IQSEC1: variants seen among roughly 807,000 people sequenced by gnomAD.
IQSEC1 encodes the protein IQ motif and SEC7 domain-containing protein 1.
IQSEC1 carries 31 observed loss-of-function variants against 91.0 expected under a neutral mutation model. The ratio of observed to expected loss-of-function variants is 0.34; its 90% confidence interval spans 0.26 to 0.46. The LOEUF (loss-of-function observed/expected upper bound fraction) is 0.46, where lower values mean the gene tolerates loss of function less well. IQSEC1 is among the 20% of genes least tolerant of loss of function. IQSEC1 has a pLI of 1.00. For synonymous variants in IQSEC1, 699 were observed against 662.6 expected (o/e 1.05, Z -0.84); for missense variants, 1,388 against 1,575.6 (o/e 0.88, Z 2.02).
intron 1 of IQSEC1, among the ~76,000 whole-genome samples, chr3:13,242,042 C>T (rs138733461): frequency 1.1e-3 from 172 of 152,258 alleles, no homozygotes; most frequent in African/African-American, 4.0e-3. Context: ...TGTATGTGTG[C>T]ATATATATTT....
chr3:13,122,839 G>C lies in IQSEC1; in HGVS notation c.302+41265C>G, dbSNP rs115534057. Among the ~76,000 whole-genome samples, 395 of 151,968 alleles carry C rather than the reference G, an allele frequency of 2.6e-3. 5 individuals carry two copies. Among genetic ancestry groups the C allele is most frequent in the African/African-American group, 8.9e-3 (369 of 41,302 alleles). ...CACACCCAGGATTCCAGACCCTCGA[G>C]GGGGAGGCAGCGTCCCTGTACCCTG... is the stretch of plus-strand genomic sequence containing the variant. On this transcript the variant is annotated intron_variant, in intron 2 of 15. Coordinates refer to the IQSEC1 transcript ENST00000648114.
rs1040959607 is a variant in IQSEC1 at position 13,209,538 on chromosome 3, C to T, written c.273-45405G>A. On this transcript the variant is annotated intron_variant, in intron 1 of 15. Transcript: ENST00000648114. The stretch of plus-strand genomic sequence containing the variant: ...AGCTTGGGCAATTCAAGGGAAGCAT[C>T]GGCTCTCACAGCCCAGCACCCCCAT... Among the ~76,000 whole-genome samples, 8 of 152,344 alleles carry T rather than the reference C, an allele frequency of 5.3e-5. No homozygotes were observed. In the East Asian group the frequency reaches 5.8e-4, roughly 11 times the overall value.
At chr3:13,224,753 G>A (rs1352993787) in intron 1 of IQSEC1, among the ~76,000 whole-genome samples, 1 of 152,076 alleles carries the variant, frequency 6.6e-6, no homozygotes, top group Non-Finnish European at 1.5e-5. Flanking sequence ...CATCTCCATT[G>A]TCAATCCCCC....
intron 1 of IQSEC1, among the ~76,000 whole-genome samples, chr3:13,185,441 TG>T (rs1693914270): frequency 2.0e-5 from 3 of 152,218 alleles, no homozygotes; most frequent in Admixed American, 6.5e-5. Context: ...CTTGCTCCCT[TG>T]GACGTCAGCT....
chr3:13,257,939 G>A (rs1214680872), intron 1 of IQSEC1, among the ~76,000 whole-genome samples: 1 of 152,228 alleles, frequency 6.6e-6, no homozygotes, highest in Non-Finnish European at 1.5e-5. Flanking sequence ...CTCAGCAGGT[G>A]AATGGATAAA....
chr3:13,012,315 C>A (rs887047066), intron 1 of IQSEC1, among the ~76,000 whole-genome samples: 2 of 152,192 alleles, frequency 1.3e-5, no homozygotes, highest in African/African-American at 4.8e-5. Context: ...TGCCAGGCTA[C>A]CTCCTCCATT....
In IQSEC1 at chr3:13,088,268, G is replaced by A. The variant is rs373612549; in HGVS notation, c.303-40746C>T. On this transcript the variant is annotated intron_variant, in intron 2 of 15. Transcript: ENST00000648114. ...ACAGATGAAAGTGGAGGGGGAAGAGGAACTGCTGGCCATTCGTGCATGTGC... is the reference window on the plus strand; with the variant it reads ...ACAGATGAAAGTGGAGGGGGAAGAGAAACTGCTGGCCATTCGTGCATGTGC... Among the ~76,000 whole-genome samples, 3 of 152,322 alleles carry A rather than the reference G, an allele frequency of 2.0e-5. No homozygotes were observed. The East Asian group carries it at 5.8e-4, about 29-fold the overall frequency.
rs189230936 is a variant in IQSEC1, at chr3:13,101,354, G to A, written c.303-53832C>T. ...AAATTAGCCGGGCGTGGTGGCGGGC[G>A]TCTCCAATGAGCCGAGATTGAGCCA... On this transcript the variant is annotated intron_variant, in intron 2 of 15. Transcript: ENST00000648114. Among the ~76,000 whole-genome samples the A allele has an allele frequency of 1.4e-4, 21 of 150,138 alleles. No homozygotes were observed. In the East Asian group the frequency reaches 3.7e-3, roughly 27 times the overall value.
chr3:13,219,478 T>C (rs1036121857), intron 1 of IQSEC1, among the ~76,000 whole-genome samples: 2 of 152,256 alleles, frequency 1.3e-5, no homozygotes, highest in African/African-American at 4.8e-5. Context: ...CCATCAAGGA[T>C]GTGCCCCCAC....
intron 1 of IQSEC1, among the ~76,000 whole-genome samples, chr3:13,223,308 C>T (rs1342976579): frequency 6.6e-6 from 1 of 151,928 alleles, no homozygotes; most frequent in Non-Finnish European, 1.5e-5. Context: ...ATCCAAAAGG[C>T]CCAAACCCTC....
intron 2 of IQSEC1, among the ~76,000 whole-genome samples, chr3:13,093,677 C>T (rs1705906268): frequency 6.6e-6 from 1 of 152,196 alleles, no homozygotes; most frequent in East Asian, 1.9e-4. Flanking sequence ...AAGACGCATG[C>T]AGCTACAGCC....
chr3:13,223,781 A>G (rs1481820272), intron 1 of IQSEC1, among the ~76,000 whole-genome samples: 1 of 152,168 alleles, frequency 6.6e-6, no homozygotes, highest in African/African-American at 2.4e-5. Flanking sequence ...CAGACTTTAC[A>G]CCTGGCCCAT....
chr3:12,942,638 A>G (rs1698863508), intron 1 of IQSEC1, among the ~76,000 whole-genome samples: 1 of 152,142 alleles, frequency 6.6e-6, no homozygotes, highest in Admixed American at 6.5e-5. Context: ...AATTAACAAA[A>G]GCGATTCTGT....
intron 1 of IQSEC1, among the ~76,000 whole-genome samples, chr3:13,166,236 C>T (rs751863770): frequency 5.9e-5 from 9 of 152,250 alleles, no homozygotes; most frequent in Non-Finnish European, 1.0e-4. Flanking sequence ...TCCTGCTCTG[C>T]GCCTCTATCC....
chr3:13,054,458 CGT>C (rs1371071865), intron 1 of IQSEC1, among the ~76,000 whole-genome samples: 2 of 152,224 alleles, frequency 1.3e-5, no homozygotes, highest in Non-Finnish European at 2.9e-5. Flanking sequence ...CTGCAGTTTA[CGT>C]GTCAGCCATT....
intron 1 of IQSEC1, among the ~76,000 whole-genome samples, chr3:12,948,475 A>C (rs1699324278): frequency 6.6e-6 from 1 of 152,182 alleles, no homozygotes; most frequent in Admixed American, 6.5e-5. Flanking sequence ...TGGGTGAGAA[A>C]GGCAGACAGT....
At chr3:13,127,349 G>A (rs922460600) in intron 2 of IQSEC1, among the ~76,000 whole-genome samples, 5 of 152,080 alleles carry the variant, frequency 3.3e-5, no homozygotes, top group African/African-American at 1.2e-4. Flanking sequence ...TGGGGGCAGA[G>A]GTTGCAGTGA....
At position 13,036,303 on chromosome 3, in the gene IQSEC1, C is replaced by G. The variant is rs566999495; in HGVS notation, c.23+36689G>C. On this transcript the variant is annotated intron_variant, in intron 1 of 13. Coordinates refer to ENST00000613206, the MANE Select transcript of IQSEC1 (RefSeq NM_001134382.3). Reference sequence around the variant, plus strand: ...CTGTGACTTTAGGCTGGTCATTTAACCTCTCTGCCTTCAGTTTTTCCTTGT... The same window carrying G: ...CTGTGACTTTAGGCTGGTCATTTAAGCTCTCTGCCTTCAGTTTTTCCTTGT... 5.5e-4 allele frequency among the ~76,000 whole-genome samples: 83 copies of G among 152,242 alleles called. 1 individual carries two copies. The highest frequency in any genetic ancestry group is 1.9e-3 in the African/African-American group (80 of 41,542).
chr3:13,001,583 C>T (rs754057604), intron 1 of IQSEC1, among the ~76,000 whole-genome samples: 6 of 152,196 alleles, frequency 3.9e-5, no homozygotes, highest in Non-Finnish European at 8.8e-5. Flanking sequence ...GGTAGAGGGT[C>T]GTCCAGATGA....
Sources: gnomAD v4.1 joint callset for allele counts (sites outside exome capture counted in the v4.1 genomes callset) on GRCh38, gnomAD v4.1.1 for gene constraint, MANE v1.5 for transcripts, NCBI Gene and HGNC (gene_info 2026-07-23, HGNC 2026-07-21) for gene names.